The following ERFL variants were observed in gnomAD, a reference collection of about 807,000 sequenced individuals.
ERFL encodes the protein ETS repressor factor like.
ERFL carries 8 observed loss-of-function variants against 27.9 expected under a neutral mutation model. That is an observed-to-expected ratio of 0.29 (90% CI 0.17 to 0.52). ERFL has a LOEUF of 0.52. Among genes scored for constraint, ERFL ranks in the 20% least tolerant of loss-of-function variants. The pLI, the probability that ERFL is intolerant of heterozygous loss-of-function variation, is 0.97. For synonymous variants in ERFL, 174 were observed against 202.8 expected (o/e 0.86, Z 1.21); for missense variants, 294 against 444.4 (o/e 0.66, Z 3.04).
intron 1 of ERFL, among the ~76,000 whole-genome samples, chr19:41,914,623 ATCTCTG>A (rs1179968673): frequency 0.02 from 235 of 11,922 alleles, 49 homozygotes; most frequent in Middle Eastern, 0.071. Context: ...CCCTTCCACC[ATCTCTG>A]TCTCTGTCTC....
Position 41,909,247 on chromosome 19 carries a change from G to T in ERFL, c.498+29C>A, listed in dbSNP as rs112688597. The T allele has an allele frequency of 4.1e-4, 507 of 1,231,822 alleles. 2 individuals carry two copies. In the African/African-American group the frequency reaches 7.0e-3, roughly 17 times the overall value. 76.3% of individuals were successfully genotyped at this position (1,231,822 alleles called of 1,614,324 possible). On this transcript the variant is annotated intron_variant, in intron 4 of 5. Transcript: ENST00000597630. The surrounding 1 kb of genome is among the most constrained non-coding windows in gnomAD (Gnocchi z 5.2). The stretch of plus-strand genomic sequence containing the variant: ...CCCCAGAGTGGGCACCAAGTGCCTC[G>T]GTTCCAGGACCCCAGTACCCAGACT...
rs782563305 is a variant in ERFL, at chr19:41,916,849, G to A, written c.-13-3917C>T. Reference sequence around the variant, plus strand: ...CGGACCCAAACATACGACCGACAGCGGCCCCTGCAGAGGTACACACAGACA... The same window carrying A: ...CGGACCCAAACATACGACCGACAGCAGCCCCTGCAGAGGTACACACAGACA... On this transcript the variant is annotated intron_variant, in intron 1 of 5. Coordinates refer to ENST00000597630, the MANE Select transcript of ERFL (RefSeq NM_001365103.2). The surrounding 1 kb of genome is among the most constrained non-coding windows in gnomAD (Gnocchi z 5.4). Among the ~76,000 whole-genome samples, 6 of 151,864 alleles carry A rather than the reference G, an allele frequency of 4.0e-5. No individual in the cohort carries two copies. Among genetic ancestry groups the A allele is most frequent in the South Asian group, 2.1e-4 (1 of 4,794 alleles).
chr19:41,926,972 C>G lies in ERFL; in HGVS notation c.-14+1068G>C, dbSNP rs950328492. On this transcript the variant is annotated intron_variant, in intron 1 of 5. Coordinates refer to ENST00000597630, the MANE Select transcript of ERFL (RefSeq NM_001365103.2). The stretch of plus-strand genomic sequence containing the variant: ...AGAGAGAGAGAGATAGAAAGAGATG[C>G]CGAGAAAGGAAGAGAGAGAGATAGA... 3.3e-5 allele frequency among the ~76,000 whole-genome samples: 5 copies of G among 150,642 alleles called. No individual in the cohort carries two copies. In the East Asian group the frequency reaches 9.8e-4, roughly 29 times the overall value.
rs2074738991 is a variant in ERFL, at chr19:41,909,261, A to C, written c.498+15T>G. 2.4e-6 allele frequency: 3 copies of C among 1,232,282 alleles called. No homozygotes were observed. Among genetic ancestry groups the C allele is most frequent in the Non-Finnish European group, 3.0e-6 (3 of 988,504 alleles). The allele number at this position is 1,232,282 out of a possible 1,614,324, so 76.3% of individuals were successfully genotyped here. A position where few individuals can be genotyped will look rare whatever the true frequency, so the allele number is the denominator to read the frequency against. ...CCAAGTGCCTCGGTTCCAGGACCCCAGTACCCAGACTCACCTCAGGGGTGA... is the reference window on the plus strand; with the variant it reads ...CCAAGTGCCTCGGTTCCAGGACCCCCGTACCCAGACTCACCTCAGGGGTGA... On this transcript the variant is annotated intron_variant, in intron 4 of 5. Transcript: ENST00000597630. The surrounding 1 kb of genome is among the most constrained non-coding windows in gnomAD (Gnocchi z 5.2).
In ERFL at chr19:41,908,606, C is replaced by G; in HGVS notation, c.687G>C (p.Trp229Cys). ...PYGRAFPEYP[W>C]NFNPYLTGPF... The stretch of plus-strand genomic sequence containing the variant: ...GGCCCGTGAGGTACGGGTTAAAGTT[C>G]CAGGGGTACTCAGGGAAGGCGCGGC... The change falls in exon 6 of 6, where the codon TGG (tryptophan) becomes TGC (cysteine). Residue 229 changes from tryptophan (W) to cysteine (C), a missense_variant. Physicochemically the swap from Trp to Cys is radical, Grantham distance 215. Coordinates refer to ENST00000597630, the MANE Select transcript of ERFL (RefSeq NM_001365103.2). The surrounding 1 kb of genome is among the most constrained non-coding windows in gnomAD (Gnocchi z 6.7). 1 of 1,231,770 alleles carries G rather than the reference C, an allele frequency of 8.1e-7. No individual in the cohort carries two copies. Among genetic ancestry groups the G allele is most frequent in the Non-Finnish European group, 1.0e-6 (1 of 988,124 alleles). 76.3% of individuals were successfully genotyped at this position (1,231,770 alleles called of 1,614,324 possible).
intron 2 of ERFL, among the ~76,000 whole-genome samples, chr19:41,911,633 G>A (rs981803608): frequency 2.0e-5 from 3 of 151,978 alleles, no homozygotes; most frequent in Admixed American, 6.6e-5. Flanking sequence ...TTCATTTTTG[G>A]GTCTTTCTCA....
chr19:41,913,435 G>A (rs1248023484), intron 1 of ERFL, among the ~76,000 whole-genome samples: 1 of 142,880 alleles, frequency 7.0e-6, no homozygotes, highest in East Asian at 2.1e-4. Flanking sequence ...CCCCACACCC[G>A]CCCCACCCGG....
At chr19:41,918,918 C>A (rs1555852176) in intron 1 of ERFL, among the ~76,000 whole-genome samples, 1 of 151,176 alleles carries the variant, frequency 6.6e-6, no homozygotes, top group African/African-American at 2.4e-5. Context: ...ATACACCACA[C>A]ACACATGCAC....
chr19:41,924,528 C>A (rs1490659944), intron 1 of ERFL, among the ~76,000 whole-genome samples: 1 of 151,998 alleles, frequency 6.6e-6, no homozygotes, highest in Non-Finnish European at 1.5e-5. Context: ...CACCTTTATC[C>A]TCATTCTCGT....
At chr19:41,913,391 G>T (rs1555851444) in intron 1 of ERFL, among the ~76,000 whole-genome samples, 1 of 151,572 alleles carries the variant, frequency 6.6e-6, no homozygotes, top group Non-Finnish European at 1.5e-5. Context: ...CTCTCTCTCT[G>T]GCTGCCCCAG....
At chr19:41,922,147 G>A (rs1164046649) in intron 1 of ERFL, among the ~76,000 whole-genome samples, 5 of 152,118 alleles carry the variant, frequency 3.3e-5, no homozygotes, top group African/African-American at 1.2e-4. Flanking sequence ...GCTACTCAGG[G>A]AGCCCAGAGA....
chr19:41,916,094 A>G lies in ERFL; in HGVS notation c.-13-3162T>C, dbSNP rs2074799892. Among the ~76,000 whole-genome samples, 1 of 151,526 alleles carries G rather than the reference A, an allele frequency of 6.6e-6. No homozygotes were observed. The highest frequency in any genetic ancestry group is 1.5e-5 in the Non-Finnish European group (1 of 67,904). On this transcript the variant is annotated intron_variant, in intron 1 of 5. Transcript: ENST00000597630. The surrounding 1 kb of genome is among the most constrained non-coding windows in gnomAD (Gnocchi z 5.4). ...TGCGCATGTGAGCGAAGCGGTGTGC[A>G]GAGGCGCTGGGCAGGCGAGGGCCCT...
At chr19:41,927,205 T>G (rs1157155849) in intron 1 of ERFL, among the ~76,000 whole-genome samples, 2 of 151,724 alleles carry the variant, frequency 1.3e-5, no homozygotes, top group Non-Finnish European at 2.9e-5. Context: ...AGGGGAGAGA[T>G]AACAGAAGTG....
At position 41,908,030 on chromosome 19, in the gene ERFL, C is replaced by G; in HGVS notation, c.*198G>C. 1 of 434,324 alleles carries G rather than the reference C, an allele frequency of 2.3e-6. No individual in the cohort carries two copies. 26.9% of individuals were successfully genotyped at this position (434,324 alleles called of 1,614,324 possible). A position where few individuals can be genotyped will look rare whatever the true frequency, so the allele number is the denominator to read the frequency against. ...GGAGCCTGGGGAGGAGGCCGGAGGC[C>G]ATCACATTCCCTCTGTCCTCTGTGG... On this transcript the variant is annotated 3_prime_UTR_variant, in exon 6 of 6. Coordinates refer to ENST00000597630, the MANE Select transcript of ERFL (RefSeq NM_001365103.2). This position sits in a 1 kb window ranked among gnomAD's most constrained non-coding sequence, Gnocchi z 6.7.
chr19:41,911,274 T>G (rs2074749857), intron 2 of ERFL, among the ~76,000 whole-genome samples: 1 of 152,142 alleles, frequency 6.6e-6, no homozygotes, highest in Non-Finnish European at 1.5e-5. Context: ...GGGTCCAACT[T>G]CTGTGTTCAC....
At chr19:41,918,913 CCA>C (rs1172824486) in intron 1 of ERFL, among the ~76,000 whole-genome samples, 15 of 150,894 alleles carry the variant, frequency 9.9e-5, no homozygotes, top group Middle Eastern at 3.4e-3. Flanking sequence ...CACACATACA[CCA>C]CACACACATG....
chr19:41,918,655 C>G (rs554730049), intron 1 of ERFL, among the ~76,000 whole-genome samples: 2 of 150,564 alleles, frequency 1.3e-5, no homozygotes, highest in East Asian at 3.9e-4. Context: ...ACACACAGTA[C>G]ATACACTACC....
In ERFL at chr19:41,921,805, C is replaced by A; in HGVS notation, c.-14+6235G>T. On this transcript the variant is annotated intron_variant, in intron 1 of 5. Coordinates refer to ENST00000597630, the MANE Select transcript of ERFL (RefSeq NM_001365103.2). The surrounding 1 kb of genome is among the most constrained non-coding windows in gnomAD (Gnocchi z 4.4). ...GGATTCCTCGTCCTCCGCCCCACCTCGCCCTTCTTCAGTCCTAGGAGGTTG... is the reference window on the plus strand; with the variant it reads ...GGATTCCTCGTCCTCCGCCCCACCTAGCCCTTCTTCAGTCCTAGGAGGTTG... 6.6e-6 allele frequency among the ~76,000 whole-genome samples: 1 copy of A among 151,994 alleles called. No homozygotes were observed. The highest frequency in any genetic ancestry group is 1.9e-4 in the East Asian group (1 of 5,184).
At chr19:41,923,250 G>A in intron 1 of ERFL, 1 of 449,940 alleles carries the variant, frequency 2.2e-6, no homozygotes, top group Non-Finnish European at 4.5e-6. Flanking sequence ...ATGACTCTAG[G>A]CCCCCGATAT....
Sources: allele counts gnomAD v4.1 joint callset (sites outside exome capture counted in the v4.1 genomes callset), GRCh38; gene constraint gnomAD v4.1.1; non-coding constraint Gnocchi (gnomAD v3.1); transcripts MANE v1.5; gene names NCBI Gene and HGNC (gene_info 2026-07-23, HGNC 2026-07-21).